Variants in SPATA17 observed in about 807,000 individuals in gnomAD.
The protein encoded by SPATA17 is spermatogenesis associated 17.
SPATA17 carries 53 observed loss-of-function variants against 62.2 expected under a neutral mutation model. The observed-to-expected ratio is 0.85, with a 90% CI of 0.68 to 1.07. SPATA17 has a LOEUF of 1.07. SPATA17 is among the 50% of genes least tolerant of loss of function. SPATA17 has a pLI of 0.00. For synonymous variants in SPATA17, 146 were observed against 146.8 expected, an observed-to-expected ratio of 0.99 and a Z score of 0.04; for missense variants, 466 against 425.5, an observed-to-expected ratio of 1.10 and a Z score of -0.84.
intron 5 of SPATA17, among the ~76,000 whole-genome samples, chr1:217,689,640 A>G (rs1460380261): frequency 1.3e-5 from 2 of 152,164 alleles, no homozygotes; most frequent in Non-Finnish European, 2.9e-5. Flanking sequence ...AATATTCAAA[A>G]TAAATATAGT....
chr1:217,838,493 T>A (rs1225308795), intron 9 of SPATA17, among the ~76,000 whole-genome samples: 1 of 150,044 alleles, frequency 6.7e-6, no homozygotes, highest in Non-Finnish European at 1.5e-5. Flanking sequence ...ATAAAGTGAA[T>A]TTTTTTCTTT....
intron 5 of SPATA17, among the ~76,000 whole-genome samples, chr1:217,706,541 G>T (rs1486260306): frequency 2.6e-5 from 4 of 152,132 alleles, no homozygotes; most frequent in African/African-American, 9.7e-5. Context: ...GCTCTCACAC[G>T]TTCTTGCTCT....
intron 9 of SPATA17, among the ~76,000 whole-genome samples, chr1:217,858,103 A>G (rs1471598746): frequency 6.6e-6 from 1 of 152,178 alleles, no homozygotes; most frequent in Non-Finnish European, 1.5e-5. Flanking sequence ...ATTTATGTTT[A>G]TTTTTATCTC....
At position 217,831,043 on chromosome 1, in the gene SPATA17, A is replaced by G. The variant is rs140754625; in HGVS notation, c.1005+29193A>G. ...AATCTATTCCAGGAGCTATTTGCAA[A>G]GGGTTTGCTCATAACAATTGGAGTA... On this transcript the variant is annotated intron_variant, in intron 9 of 10. Coordinates refer to ENST00000366933, the MANE Select transcript of SPATA17 (RefSeq NM_138796.4). Among the ~76,000 whole-genome samples, 339 of 152,244 alleles carry G rather than the reference A, an allele frequency of 2.2e-3. 2 individuals are homozygous for G. The highest frequency in any genetic ancestry group is 6.7e-3 in the African/African-American group (280 of 41,556).
intron 5 of SPATA17, among the ~76,000 whole-genome samples, chr1:217,684,987 T>C (rs919643557): frequency 1.3e-5 from 2 of 152,188 alleles, no homozygotes; most frequent in African/African-American, 4.8e-5. Context: ...ATTGGAGAAG[T>C]AGGAAAATTC....
intron 6 of SPATA17, among the ~76,000 whole-genome samples, chr1:217,772,373 G>T (rs1445549301): frequency 6.6e-6 from 1 of 151,980 alleles, no homozygotes; most frequent in East Asian, 1.9e-4. Context: ...TCAAAGAAGA[G>T]CCAGTACAAA....
chr1:217,669,233 C>A (rs115200514), intron 4 of SPATA17, 150 bp downstream of exon 4: 31,424 of 631,500 alleles, frequency 0.05, 1,035 homozygotes, highest in Middle Eastern at 0.065. Context: ...GTTAGTTATG[C>A]TAAATAATCT....
At chr1:217,864,584 A>G (rs924494169) in intron 10 of SPATA17, among the ~76,000 whole-genome samples, 1 of 152,078 alleles carries the variant, frequency 6.6e-6, no homozygotes, top group Admixed American at 6.5e-5. Flanking sequence ...TTTAATATGT[A>G]TATGTATACA....
At chr1:217,751,002 A>G (rs191823106) in intron 6 of SPATA17, among the ~76,000 whole-genome samples, 368 of 152,282 alleles carry the variant, frequency 2.4e-3, no homozygotes, top group Non-Finnish European at 3.8e-3. Flanking sequence ...TAAACCTTAC[A>G]TGGAAGGAAC....
intron 9 of SPATA17, among the ~76,000 whole-genome samples, chr1:217,812,492 A>G (rs1230299250): frequency 6.6e-6 from 1 of 152,172 alleles, no homozygotes; most frequent in Non-Finnish European, 1.5e-5. Flanking sequence ...TGCATACCAT[A>G]TAATTTACTC....
chr1:217,862,696 A>G, intron 9 of SPATA17, 78 bp from the exon 10 acceptor site: 1 of 1,056,438 alleles, frequency 9.5e-7, no homozygotes, highest in South Asian at 1.5e-5. Context: ...TAGCAATTTA[A>G]TCTAAATAAT....
intron 6 of SPATA17, among the ~76,000 whole-genome samples, chr1:217,754,227 C>G (rs1036074383): frequency 2.6e-5 from 4 of 151,824 alleles, no homozygotes; most frequent in Admixed American, 6.6e-5. Context: ...AAAGCAAGAC[C>G]CTGTCTCAAA....
chr1:217,704,203 T>A (rs567601587), intron 5 of SPATA17, among the ~76,000 whole-genome samples: 57 of 146,654 alleles, frequency 3.9e-4, no homozygotes, highest in African/African-American at 1.4e-3. Context: ...TAGGTTTTTT[T>A]ATCCTAACTC....
intron 3 of SPATA17, among the ~76,000 whole-genome samples, chr1:217,664,895 A>G (rs1187661182): frequency 6.6e-6 from 1 of 152,164 alleles, no homozygotes; most frequent in Non-Finnish European, 1.5e-5. Context: ...ATAAATGCTT[A>G]TAAGGAAAAC....
At chr1:217,751,147 C>T (rs7525422) in intron 6 of SPATA17, among the ~76,000 whole-genome samples, 116,464 of 152,114 alleles carry the variant, frequency 0.77, 44,982 homozygotes, top group Non-Finnish European at 0.81. Context: ...AGTGAGTTCA[C>T]GTACAAAGAT....
intron 9 of SPATA17, among the ~76,000 whole-genome samples, chr1:217,822,308 C>T (rs915284391): frequency 1.3e-5 from 2 of 151,866 alleles, no homozygotes; most frequent in Non-Finnish European, 2.9e-5. Context: ...GTTTTGATAA[C>T]AATTTATTCT....
At chr1:217,810,514 T>A (rs754069251) in intron 9 of SPATA17, among the ~76,000 whole-genome samples, 1 of 151,472 alleles carries the variant, frequency 6.6e-6, no homozygotes, top group Non-Finnish European at 1.5e-5. Context: ...CTCAGCTACT[T>A]GGGGGGCTGA....
chr1:217,862,539 G>A (rs1357956745), intron 9 of SPATA17, among the ~76,000 whole-genome samples: 1 of 152,150 alleles, frequency 6.6e-6, no homozygotes, highest in Non-Finnish European at 1.5e-5. Context: ...AGACTTGCTT[G>A]CAGGTGACAC....
At chr1:217,669,657 GATA>G (rs1172022235) in intron 4 of SPATA17, among the ~76,000 whole-genome samples, 6 of 152,148 alleles carry the variant, frequency 3.9e-5, no homozygotes, top group Non-Finnish European at 8.8e-5. Flanking sequence ...CAGACAATAT[GATA>G]ATAATTTAAT....
Sources: gnomAD v4.1 joint callset for allele counts (sites outside exome capture counted in the v4.1 genomes callset) on GRCh38, gnomAD v4.1.1 for gene constraint, MANE v1.5 for transcripts, NCBI Gene and HGNC (gene_info 2026-07-23, HGNC 2026-07-21) for gene names.